The following ALDH3A2 variants were observed in gnomAD, a reference collection of about 807,000 sequenced individuals.
ALDH3A2 encodes aldehyde dehydrogenase family 3 member A2.
A neutral mutation model predicts 51.3 loss-of-function variants in ALDH3A2; 36 were observed. The ratio of observed to expected loss-of-function variants is 0.70; its 90% CI spans 0.54 to 0.93. ALDH3A2 has a LOEUF of 0.93. ALDH3A2 is among the 40% of genes least tolerant of loss of function. The probability of loss-of-function intolerance (pLI) is 0.00; values close to 1 mark genes in which losing one functional copy is unlikely to be tolerated. For synonymous variants in ALDH3A2, 199 were observed against 219.8 expected (o/e 0.91, Z 0.84); for missense variants, 552 against 603.1 (o/e 0.92, Z 0.89).
In ALDH3A2 at chr17:19,648,758, C is replaced by T. The variant is rs1341056357; in HGVS notation, c.-214C>T. ...AGGCTTTGGGTCGAGCTCAGTCCTC[C>T]CCCGGCGCCTCCGACTGGCAGTGGG... is the stretch of plus-strand genomic sequence containing the variant. On this transcript the variant is annotated 5_prime_UTR_variant, in exon 1 of 10. Coordinates refer to ENST00000176643, the MANE Select transcript of ALDH3A2 (RefSeq NM_000382.3). 12 of 645,938 alleles carry T rather than the reference C, an allele frequency of 1.9e-5. No homozygotes were observed. The South Asian group carries it at 1.9e-4, about 10-fold the overall frequency. The allele number at this position is 645,938 out of a possible 1,614,324, so 40.0% of individuals were successfully genotyped here. A position where few individuals can be genotyped will look rare whatever the true frequency, so the allele number is the denominator to read the frequency against.
At chr17:19,669,876 G>A (rs1443527635) in intron 8 of ALDH3A2, among the ~76,000 whole-genome samples, 1 of 152,120 alleles carries the variant, frequency 6.6e-6, no homozygotes, top group Non-Finnish European at 1.5e-5. Context: ...CTGGGCTCAA[G>A]CAATCCTCCC....
chr17:19,664,329 G>T (rs576712710), intron 7 of ALDH3A2, among the ~76,000 whole-genome samples: 1 of 152,154 alleles, frequency 6.6e-6, no homozygotes, highest in African/African-American at 2.4e-5. Flanking sequence ...CCCAGCAGTG[G>T]GTCACCCGAG....
Position 19,675,911 on chromosome 17 carries a change from T to TGATAC in ALDH3A2, c.*340_*341insATACG. 5.4e-6 allele frequency: 2 copies of TGATAC among 370,030 alleles called. No individual in the cohort carries two copies. The highest frequency in any genetic ancestry group is 2.4e-5 in the South Asian group (1 of 40,954). The allele number at this position is 370,030 out of a possible 1,614,324, so 22.9% of individuals were successfully genotyped here. On this transcript the variant is annotated 3_prime_UTR_variant, in exon 10 of 10. Transcript: ENST00000176643. ...TCACTGAATCCTTCACTCCAGTTAA[T>TGATAC]GGCACTGCTCACTTCCTGCCTCTGC...
intron 5 of ALDH3A2, among the ~76,000 whole-genome samples, chr17:19,660,218 T>C (rs1271597729): frequency 6.6e-6 from 1 of 152,142 alleles, no homozygotes; most frequent in Non-Finnish European, 1.5e-5. Flanking sequence ...AGTGAGCCAT[T>C]TAAAAACAAG....
At chr17:19,674,830 T>C (rs1318141488) in intron 9 of ALDH3A2, 1 of 152,252 alleles carries the variant, frequency 6.6e-6, no homozygotes, top group East Asian at 1.9e-4. Flanking sequence ...ACCTGAATAG[T>C]CTATTTATTG....
chr17:19,649,083 GAGA>G lies in ALDH3A2; in HGVS notation c.115_117del (p.Lys39del). On this transcript the variant is annotated inframe_deletion, in exon 1 of 10. Transcript: ENST00000176643. Reference sequence around the variant, plus strand: ...CCTGCGGAGGATGGTGCAGGAGCGCGAGAAGGATATCCTGACGGCCATCGCCGC... The same window carrying G: ...CCTGCGGAGGATGGTGCAGGAGCGCGAGGATATCCTGACGGCCATCGCCGC... 6.3e-7 allele frequency: 1 copy of G among 1,583,502 alleles called. No homozygotes were observed. The highest frequency in any genetic ancestry group is 2.3e-5 in the East Asian group (1 of 43,254).
At position 19,648,920 on chromosome 17, in the gene ALDH3A2, C is replaced by T. The variant is rs1022955867; in HGVS notation, c.-52C>T. ...GAGGCCTGCACCTGCATGCTTCCCG[C>T]CTCCCACTCCCCAGCGCCCCCGGAC... On this transcript the variant is annotated 5_prime_UTR_variant, in exon 1 of 10. Coordinates refer to ENST00000176643, the MANE Select transcript of ALDH3A2 (RefSeq NM_000382.3). The T allele has an allele frequency of 3.9e-6, 6 of 1,540,990 alleles. No homozygotes were observed. Among genetic ancestry groups the T allele is most frequent in the Non-Finnish European group, 5.3e-6 (6 of 1,142,136 alleles).
intron 1 of ALDH3A2, 67 bp from the exon 2 acceptor site, chr17:19,651,480 T>G: frequency 1.5e-6 from 2 of 1,321,334 alleles, no homozygotes; most frequent in Non-Finnish European, 2.2e-6. Context: ...GGTGTGAGTG[T>G]TCTGACATTC....
At chr17:19,675,504 T>C in intron 9 of ALDH3A2, 54 bp from the exon 10 acceptor site, 1 of 1,591,312 alleles carries the variant, frequency 6.3e-7, no homozygotes, top group Non-Finnish European at 8.6e-7. Context: ...AGGCTGGTTG[T>C]GGGTAGGTTT....
At chr17:19,653,485 T>TC (rs1326073941) in intron 3 of ALDH3A2, among the ~76,000 whole-genome samples, 1 of 152,160 alleles carries the variant, frequency 6.6e-6, no homozygotes, top group African/African-American at 2.4e-5. Flanking sequence ...GTTTCTTCCT[T>TC]CTGGTGGGTT....
At chr17:19,655,834 A>T (rs2084887006) in intron 3 of ALDH3A2, among the ~76,000 whole-genome samples, 1 of 152,252 alleles carries the variant, frequency 6.6e-6, no homozygotes, top group Non-Finnish European at 1.5e-5. Context: ...GATGTTCAGT[A>T]GCTTGCCTAA....
At position 19,661,211 on chromosome 17, in the gene ALDH3A2, C is replaced by G; in HGVS notation, c.883C>G (p.Leu295Val). ...LRHFKRILSL[L>V]EGQKIAFGGE... ...TCATTTTAAGAGGATACTAAGTTTG[C>G]TTGAAGGACAAAAGATAGCTTTTGG... Residue 295 changes from leucine (L) to valine (V), a missense_variant, in exon 6 of 10, where the codon CTT (leucine) becomes GTT (valine). By Grantham distance (32) the Leu-to-Val change is conservative. Coordinates refer to ENST00000176643, the MANE Select transcript of ALDH3A2 (RefSeq NM_000382.3). 2 of 1,614,038 alleles carry G rather than the reference C, an allele frequency of 1.2e-6. No homozygotes were observed. The highest frequency in any genetic ancestry group is 1.7e-6 in the Non-Finnish European group (2 of 1,179,976).
At chr17:19,656,279 G>A in intron 3 of ALDH3A2, 87 bp from the exon 4 acceptor site, 1 of 1,206,838 alleles carries the variant, frequency 8.3e-7, no homozygotes, top group Non-Finnish European at 1.2e-6. Context: ...TTTACTGAAT[G>A]TTACATGTTT....
In ALDH3A2 at chr17:19,676,725, C is replaced by G. The variant is rs925115204; in HGVS notation, c.*1153C>G. 6.6e-6 allele frequency: 1 copy of G among 152,150 alleles called. No individual in the cohort carries two copies. Among genetic ancestry groups the G allele is most frequent in the Non-Finnish European group, 1.5e-5 (1 of 68,034 alleles). 9.4% of individuals were successfully genotyped at this position (152,150 alleles called of 1,614,324 possible). On this transcript the variant is annotated 3_prime_UTR_variant, in exon 10 of 10. Coordinates refer to ENST00000176643, the MANE Select transcript of ALDH3A2 (RefSeq NM_000382.3). ...ATCCTCTTTCAGGACCCTAAAGTTG[C>G]AGGTTAGTAGGTCTTCAAGGACAAA...
At chr17:19,666,564 G>A (rs981931122) in intron 8 of ALDH3A2, among the ~76,000 whole-genome samples, 4 of 152,090 alleles carry the variant, frequency 2.6e-5, no homozygotes, top group Admixed American at 6.6e-5. Context: ...ATCACTTGAG[G>A]TCAGGAGTTC....
intron 9 of ALDH3A2, chr17:19,675,242 G>A (rs913701070): frequency 2.8e-5 from 9 of 318,176 alleles, no homozygotes; most frequent in African/African-American, 1.7e-4. Context: ...AAAATGCTAG[G>A]ATAATAAGTT....
At position 19,656,504 on chromosome 17, in the gene ALDH3A2, G is replaced by A; in HGVS notation, c.610G>A (p.Val204Met). ...AGCTGCTGCCAAGCATCTGACCCCT[G>A]TGACTCTTGAACTGGGAGGGAAAAG... ...MEAAAKHLTPVTLELGGKSPC... is the reference protein window; with the variant it reads ...MEAAAKHLTPMTLELGGKSPC... Residue 204 changes from valine (V) to methionine (M), a missense_variant, in exon 4 of 10, where the codon GTG becomes ATG. Transcript: ENST00000176643. 6.2e-7 allele frequency: 1 copy of A among 1,614,184 alleles called. No individual in the cohort carries two copies. The highest frequency in any genetic ancestry group is 1.3e-5 in the African/African-American group (1 of 75,044).
In ALDH3A2 at chr17:19,651,670, G is replaced by A. The variant is rs748997035; in HGVS notation, c.277G>A (p.Asp93Asn). 6.2e-7 allele frequency: 1 copy of A among 1,614,208 alleles called. No homozygotes were observed. Among genetic ancestry groups the A allele is most frequent in the South Asian group, 1.1e-5 (1 of 91,082 alleles). Reference protein sequence around the residue: ...PVKKNVLTMLDEAYIQPQPLG... With the variant: ...PVKKNVLTMLNEAYIQPQPLG... ...TAAGAAGAACGTGCTCACCATGCTGGATGAGGCCTATATTCAGCCACAGCC... is the reference window on the plus strand; with the variant it reads ...TAAGAAGAACGTGCTCACCATGCTGAATGAGGCCTATATTCAGCCACAGCC... Residue 93 changes from aspartate to asparagine, a missense_variant, in exon 2 of 10, where the codon GAT becomes AAT. Coordinates refer to ENST00000176643, the MANE Select transcript of ALDH3A2 (RefSeq NM_000382.3).
At chr17:19,670,163 A>G (rs1418520409) in intron 8 of ALDH3A2, among the ~76,000 whole-genome samples, 1 of 152,178 alleles carries the variant, frequency 6.6e-6, no homozygotes, top group Non-Finnish European at 1.5e-5. Flanking sequence ...GATCTTTGGA[A>G]TCACTACCTC....
Sources: gnomAD v4.1 joint callset for allele counts (sites outside exome capture counted in the v4.1 genomes callset) on GRCh38, gnomAD v4.1.1 for gene constraint, MANE v1.5 for transcripts, NCBI Gene and HGNC (gene_info 2026-07-23, HGNC 2026-07-21) for gene names.